MACROH2A2: variants seen among roughly 807,000 people sequenced by gnomAD.
MACROH2A2 encodes core histone macro-H2A.2.
Under a neutral mutation model 37.6 loss-of-function variants are expected in MACROH2A2, and 6 were observed. The ratio of observed to expected loss-of-function variants is 0.16; its 90% confidence interval spans 0.09 to 0.32. The LOEUF is 0.32. MACROH2A2 is among the 10% of genes least tolerant of loss of function. The pLI is 1.00. For synonymous variants in MACROH2A2, 192 were observed against 202.7 expected, an observed-to-expected ratio of 0.95 and a Z score of 0.45; for missense variants, 290 against 485.9, an observed-to-expected ratio of 0.60 and a Z score of 3.79.
chr10:70,071,023 G>A (rs1353736490), intron 1 of MACROH2A2, among the ~76,000 whole-genome samples: 2 of 151,924 alleles, frequency 1.3e-5, no homozygotes, highest in African/African-American at 4.8e-5. Context: ...GTGAGCGCGT[G>A]CATGTATGCG....
intron 6 of MACROH2A2, chr10:70,099,482 A>G (rs982017209): frequency 6.6e-6 from 1 of 152,132 alleles, no homozygotes; most frequent in African/African-American, 2.4e-5. Flanking sequence ...TGCTGCCCCA[A>G]AGCTGCCGTC....
At position 70,091,977 on chromosome 10, in the gene MACROH2A2, G is replaced by A; in HGVS notation, c.477+23G>A. ...AAGGTAGGCCGAGGCTGCGTGTCCT[G>A]GGCCAGGCACTCCCACTGCAATGGT... On this transcript the variant is annotated intron_variant, in intron 4 of 8. Transcript: ENST00000373255. The A allele has an allele frequency of 1.9e-6, 3 of 1,588,530 alleles. 1 individual carries two copies. Among genetic ancestry groups the A allele is most frequent in the Non-Finnish European group, 2.6e-6 (3 of 1,158,838 alleles).
At chr10:70,079,565 G>GCGCGCGCGCACACA (rs1386558755) in intron 2 of MACROH2A2, among the ~76,000 whole-genome samples, 3 of 126,216 alleles carry the variant, frequency 2.4e-5, no homozygotes, top group African/African-American at 9.7e-5. Flanking sequence ...GCGCGCGCGC[G>GCGCGCGCGCACACA]CACACACACA....
intron 2 of MACROH2A2, among the ~76,000 whole-genome samples, chr10:70,080,885 CAAAAAAAA>C (rs149608498): frequency 9.4e-5 from 3 of 31,986 alleles, no homozygotes; most frequent in South Asian, 2.5e-3. Context: ...AACTCCATCT[CAAAAAAAA>C]AAAAAAAAAA....
intron 1 of MACROH2A2, among the ~76,000 whole-genome samples, chr10:70,074,653 C>T (rs1023255913): frequency 2.6e-5 from 4 of 152,070 alleles, no homozygotes; most frequent in Non-Finnish European, 5.9e-5. Context: ...ATACCATTCT[C>T]GTGGTAGTGA....
intron 2 of MACROH2A2, among the ~76,000 whole-genome samples, chr10:70,078,283 G>A (rs975282348): frequency 4.6e-5 from 7 of 152,240 alleles, no homozygotes; most frequent in African/African-American, 1.2e-4. Flanking sequence ...TTTATACAGT[G>A]GGTTGAACAT....
intron 1 of MACROH2A2, among the ~76,000 whole-genome samples, chr10:70,065,034 C>G (rs200250404): frequency 7.2e-6 from 1 of 138,822 alleles, no homozygotes; most frequent in African/African-American, 2.7e-5. Context: ...TTTTTTTTTT[C>G]TTTTTTTTTT....
At chr10:70,055,073 T>C (rs1342885537) in intron 1 of MACROH2A2, among the ~76,000 whole-genome samples, 1 of 152,222 alleles carries the variant, frequency 6.6e-6, no homozygotes, top group African/African-American at 2.4e-5. Context: ...CCAGGATTTT[T>C]AAAGCGCCTC....
At chr10:70,055,537 G>A (rs955186576) in intron 1 of MACROH2A2, among the ~76,000 whole-genome samples, 1 of 145,166 alleles carries the variant, frequency 6.9e-6, no homozygotes, top group African/African-American at 2.5e-5. Context: ...CCTCTAGATA[G>A]GGAAAGAAAT....
intron 8 of MACROH2A2, among the ~76,000 whole-genome samples, chr10:70,110,273 C>A (rs888975529): frequency 1.3e-5 from 2 of 152,158 alleles, no homozygotes; most frequent in Non-Finnish European, 2.9e-5. Flanking sequence ...TGTGGCCCAG[C>A]CTGGTGGATG....
At chr10:70,093,261 A>G (rs1237428127) in intron 4 of MACROH2A2, among the ~76,000 whole-genome samples, 1 of 152,380 alleles carries the variant, frequency 6.6e-6, no homozygotes, top group Middle Eastern at 3.4e-3. Context: ...GCACTCAGCA[A>G]CATTATTGAG....
At chr10:70,068,990 C>T (rs1291902921) in intron 1 of MACROH2A2, among the ~76,000 whole-genome samples, 4 of 152,120 alleles carry the variant, frequency 2.6e-5, no homozygotes, top group Non-Finnish European at 1.5e-5. Flanking sequence ...ATGATGGTAT[C>T]GATTGCAAGA....
chr10:70,059,591 G>A (rs1385812152), intron 1 of MACROH2A2, among the ~76,000 whole-genome samples: 6 of 152,068 alleles, frequency 3.9e-5, no homozygotes, highest in East Asian at 3.9e-4. Flanking sequence ...GGCTGGTCTC[G>A]AACTCCTGAC....
At chr10:70,105,644 T>A (rs2072333177) in intron 7 of MACROH2A2, among the ~76,000 whole-genome samples, 1 of 150,576 alleles carries the variant, frequency 6.6e-6, no homozygotes, top group Non-Finnish European at 1.5e-5. Flanking sequence ...ATGTGGAGTT[T>A]AAGGACCTTG....
intron 1 of MACROH2A2, among the ~76,000 whole-genome samples, chr10:70,060,503 C>A (rs1363438380): frequency 6.6e-6 from 1 of 152,134 alleles, no homozygotes; most frequent in African/African-American, 2.4e-5. Context: ...AGACAACTGG[C>A]CCCACTGATG....
intron 2 of MACROH2A2, among the ~76,000 whole-genome samples, chr10:70,077,449 T>C (rs1218467157): frequency 6.6e-6 from 1 of 151,826 alleles, no homozygotes; most frequent in African/African-American, 2.4e-5. Flanking sequence ...CTACTGGGAT[T>C]ACAGGCCGGT....
intron 2 of MACROH2A2, 117 bp from the exon 3 acceptor site, chr10:70,089,943 G>C: frequency 1.3e-6 from 1 of 746,086 alleles, no homozygotes; most frequent in South Asian, 1.6e-5. Context: ...TTTCCAGGCC[G>C]AGACATAGAA....
At chr10:70,104,363 A>G (rs1040267348) in intron 7 of MACROH2A2, among the ~76,000 whole-genome samples, 1 of 142,014 alleles carries the variant, frequency 7.0e-6, no homozygotes, top group African/African-American at 2.6e-5. Flanking sequence ...GACAGAGAGG[A>G]AAAAAAAAAA....
At chr10:70,083,995 T>C (rs2072196390) in intron 2 of MACROH2A2, among the ~76,000 whole-genome samples, 1 of 151,954 alleles carries the variant, frequency 6.6e-6, no homozygotes, top group Non-Finnish European at 1.5e-5. Context: ...TGAGAAGGAA[T>C]TGTTTATAAT....
Sources: allele counts gnomAD v4.1 joint callset (sites outside exome capture counted in the v4.1 genomes callset), GRCh38; gene constraint gnomAD v4.1.1; transcripts MANE v1.5; gene names NCBI Gene and HGNC (gene_info 2026-07-23, HGNC 2026-07-21).